Variants in SAMD8 observed in about 807,000 individuals in gnomAD.
The protein encoded by SAMD8 is sterile alpha motif domain containing 8.
Under a neutral mutation model 42.0 loss-of-function variants are expected in SAMD8, and 20 were observed. The ratio of observed to expected loss-of-function variants is 0.48; its 90% CI spans 0.34 to 0.69. The LOEUF (loss-of-function observed/expected upper bound fraction) is 0.69, where lower values mean the gene tolerates loss of function less well. SAMD8 is among the 30% of genes least tolerant of loss of function. The pLI is 0.01. For synonymous variants in SAMD8, 162 were observed against 173.0 expected (o/e 0.94, Z 0.50); for missense variants, 328 against 511.6 (o/e 0.64, Z 3.46).
chr10:75,149,990 T>C (rs1200737035), intron 1 of SAMD8, among the ~76,000 whole-genome samples: 1 of 152,080 alleles, frequency 6.6e-6, no homozygotes, highest in Admixed American at 6.6e-5. Context: ...TCTTTTACTC[T>C]AGAAACCAAT....
At chr10:75,151,302 GA>G (rs992785547) in intron 2 of SAMD8, among the ~76,000 whole-genome samples, 196 bp downstream of exon 2, 1 of 152,042 alleles carries the variant, frequency 6.6e-6, no homozygotes, top group African/African-American at 2.4e-5. Flanking sequence ...AGGTGTGTGA[GA>G]AAAACCACTG....
At chr10:75,131,591 T>C (rs1417223897) in intron 1 of SAMD8, among the ~76,000 whole-genome samples, 2 of 152,116 alleles carry the variant, frequency 1.3e-5, no homozygotes, top group African/African-American at 2.4e-5. Flanking sequence ...AAATAACTGA[T>C]CAAATTTATC....
At chr10:75,157,006 G>A (rs1840425912) in intron 2 of SAMD8, among the ~76,000 whole-genome samples, 1 of 151,986 alleles carries the variant, frequency 6.6e-6, no homozygotes, top group Non-Finnish European at 1.5e-5. Flanking sequence ...GGGGAGAAGT[G>A]TCATAATGTC....
intron 1 of SAMD8, chr10:75,150,194 T>G (rs10762663): frequency 0.25 from 37,659 of 151,596 alleles, 5,198 homozygotes; most frequent in East Asian, 0.59. Context: ...GCACTGCAGC[T>G]TTGACCTCCC....
intron 4 of SAMD8, among the ~76,000 whole-genome samples, chr10:75,169,169 CAAAAAAAAAAAA>C (rs1023080854): frequency 1.1e-3 from 33 of 30,240 alleles, no homozygotes; most frequent in African/African-American, 3.4e-3. Flanking sequence ...GACTCCATCT[CAAAAAAAAAAAA>C]AAAAAAAAAA....
At chr10:75,128,073 A>ATT (rs11353511) in intron 1 of SAMD8, among the ~76,000 whole-genome samples, 90 of 119,236 alleles carry the variant, frequency 7.5e-4, no homozygotes, top group Non-Finnish European at 1.0e-3. Flanking sequence ...TTCTTCTTTA[A>ATT]TTTTTTTTTT....
chr10:75,121,880 C>T (rs1210165258), intron 1 of SAMD8, among the ~76,000 whole-genome samples: 1 of 152,036 alleles, frequency 6.6e-6, no homozygotes, highest in Non-Finnish European at 1.5e-5. Flanking sequence ...TTAATAGAGA[C>T]AGCATTTCAC....
At position 75,164,678 on chromosome 10, in the gene SAMD8, G is replaced by A. The variant is rs745670494; in HGVS notation, c.612G>A (p.Thr204=). ...VPRIPWAFAM[T]EVCGMILCYI... is the part of the protein sequence containing the mutation. ...GAATCCCATGGGCCTTTGCCATGAC[G>A]GAAGTATGTGGCATGATTCTGTGCT... Residue 204 remains threonine (T), a synonymous_variant, in exon 3 of 6, where the codon ACG becomes ACA. Transcript: ENST00000542569. The A allele has an allele frequency of 3.7e-6, 6 of 1,614,026 alleles. No individual in the cohort carries two copies. Among genetic ancestry groups the A allele is most frequent in the Admixed American group, 1.7e-5 (1 of 60,008 alleles).
Position 75,179,530 on chromosome 10 carries a change from C to A in SAMD8, c.*2838C>A, listed in dbSNP as rs138376091. ...ATTGTAAAATAACTTTTCAGCCTTG[C>A]ACTTGCTCATATATGTTTTGAGAAA... On this transcript the variant is annotated 3_prime_UTR_variant, in exon 6 of 6. Transcript: ENST00000542569. 38 of 152,300 alleles carry A rather than the reference C, an allele frequency of 2.5e-4. No individual in the cohort carries two copies. The East Asian group carries it at 3.3e-3, about 13-fold the overall frequency. The allele number at this position is 152,300 out of a possible 1,614,324, so 9.4% of individuals were successfully genotyped here. A position where few individuals can be genotyped will look rare whatever the true frequency, so the allele number is the denominator to read the frequency against.
intron 1 of SAMD8, among the ~76,000 whole-genome samples, chr10:75,148,693 A>G (rs1412494593): frequency 3.3e-5 from 5 of 152,198 alleles, no homozygotes; most frequent in African/African-American, 1.2e-4. Flanking sequence ...AAGGAAGCAC[A>G]GAAAGTTTTT....
intron 1 of SAMD8, among the ~76,000 whole-genome samples, chr10:75,130,199 TA>T (rs897179442): frequency 1.1e-3 from 159 of 150,802 alleles, no homozygotes; most frequent in African/African-American, 3.8e-3. Context: ...TATGAATGCT[TA>T]AAAAAAAACA....
intron 2 of SAMD8, among the ~76,000 whole-genome samples, chr10:75,159,603 T>C (rs1840510411): frequency 6.6e-6 from 1 of 152,176 alleles, no homozygotes; most frequent in Non-Finnish European, 1.5e-5. Context: ...CTTTGCCTAC[T>C]TGGAGAGAAA....
chr10:75,102,032 C>G (rs1054102396), intron 1 of SAMD8: 2 of 1,186,832 alleles, frequency 1.7e-6, no homozygotes, highest in Non-Finnish European at 1.1e-6. Flanking sequence ...CCTGCCACTC[C>G]CAACTTGTCC....
chr10:75,115,813 C>T (rs948186406), intron 1 of SAMD8, among the ~76,000 whole-genome samples: 5 of 151,868 alleles, frequency 3.3e-5, no homozygotes, highest in Non-Finnish European at 4.4e-5. Context: ...TCGTGGCAGG[C>T]GCCTGTAGTC....
chr10:75,163,200 T>C (rs1467119218), intron 2 of SAMD8, among the ~76,000 whole-genome samples: 6 of 152,144 alleles, frequency 3.9e-5, no homozygotes, highest in African/African-American at 1.2e-4. Flanking sequence ...GCTGGGATTA[T>C]AGGCGTGAGC....
intron 1 of SAMD8, among the ~76,000 whole-genome samples, chr10:75,112,622 A>G (rs997087274): frequency 6.6e-6 from 1 of 152,344 alleles, no homozygotes; most frequent in East Asian, 1.9e-4. Flanking sequence ...ATTTATTGAC[A>G]GTAATGGTGT....
At chr10:75,107,592 G>A (rs903966011), upstream of SAMD8, among the ~76,000 whole-genome samples, 2 of 151,838 alleles carry the variant, frequency 1.3e-5, no homozygotes, top group Admixed American at 6.6e-5. Context: ...TTTTTGGCGG[G>A]GGGGGATGGA....
At chr10:75,156,220 A>C (rs1042486818) in intron 2 of SAMD8, among the ~76,000 whole-genome samples, 1 of 151,872 alleles carries the variant, frequency 6.6e-6, no homozygotes, top group Non-Finnish European at 1.5e-5. Context: ...TGTCTCAGTA[A>C]GTAAGTAAGT....
At chr10:75,157,289 A>C (rs547929846) in intron 2 of SAMD8, among the ~76,000 whole-genome samples, 1 of 152,208 alleles carries the variant, frequency 6.6e-6, no homozygotes, top group South Asian at 2.1e-4. Flanking sequence ...CATATGCTAT[A>C]TGATAGCATG....
Sources: gnomAD v4.1 joint callset for allele counts (sites outside exome capture counted in the v4.1 genomes callset) on GRCh38, gnomAD v4.1.1 for gene constraint, MANE v1.5 for transcripts, NCBI Gene and HGNC (gene_info 2026-07-23, HGNC 2026-07-21) for gene names.